ZNF880: variants seen among roughly 807,000 people sequenced by gnomAD.
ZNF880 encodes zinc finger protein LOC400713.
Under a neutral mutation model 11.8 loss-of-function variants are expected in ZNF880, and 12 were observed. That is an observed-to-expected ratio of 1.02 (90% CI 0.65 to 1.65). The LOEUF (loss-of-function observed/expected upper bound fraction) is 1.65. Ranked by LOEUF, ZNF880 falls within the 40% of genes most tolerant of loss-of-function variation. ZNF880 has a pLI of 0.00. For synonymous variants in ZNF880, 210 were observed against 232.4 expected (o/e 0.90, Z 0.88); for missense variants, 601 against 673.9 (o/e 0.89, Z 1.20).
chr19:52,367,047 C>T (rs1986135262), upstream of ZNF880: 1 of 377,546 alleles, frequency 2.6e-6, no homozygotes, highest in South Asian at 9.8e-5. Flanking sequence ...ACTGCTGGCA[C>T]CGTAATTTGT....
rs758995138 is a variant in ZNF880 at position 52,384,846 on chromosome 19, C to A, written c.1266C>A (p.Gly422=). 2.2e-6 allele frequency: 3 copies of A among 1,387,018 alleles called. No homozygotes were observed. The highest frequency in any genetic ancestry group is 1.9e-6 in the Non-Finnish European group (2 of 1,043,580). The allele number at this position is 1,387,018 out of a possible 1,614,324, so 85.9% of individuals were successfully genotyped here. The change falls in exon 4 of 4, where the codon GGC becomes GGA. Residue 422 remains glycine (G), a synonymous_variant. Transcript: ENST00000422689. ...ECGKAFRDCS[G]LTAHLLIHTG... ...GCAAAGCATTTAGAGACTGTTCAGG[C>A]CTTACTGCCCATCTACTAATTCACA...
intron 1 of ZNF880, among the ~76,000 whole-genome samples, chr19:52,371,347 A>C (rs966735662): frequency 3.3e-5 from 5 of 151,004 alleles, no homozygotes; most frequent in African/African-American, 4.9e-5. Context: ...TTATTGTTTG[A>C]TGTTTTTTTT....
chr19:52,373,002 A>T, intron 1 of ZNF880, 109 bp from the exon 2 acceptor site: 1 of 1,108,180 alleles, frequency 9.0e-7, no homozygotes, highest in South Asian at 1.3e-5. Context: ...AGCTAAAAAA[A>T]TACCTTAACG....
Position 52,373,202 on chromosome 19 carries a change from TG to T in ZNF880, c.105del (p.Met36TrpfsTer18). 2 of 1,613,208 alleles carry T rather than the reference TG, an allele frequency of 1.2e-6. No individual in the cohort carries two copies. Among genetic ancestry groups the T allele is most frequent in the Non-Finnish European group, 1.7e-6 (2 of 1,179,522 alleles). Reference protein sequence around the residue: ...DPAQRTLYREVMVENYRNLVF... With the variant: ...DPAQRTLYREXMVENYRNLVF... ...GCTCAGAGGACTTTATACAGGGAAG[TG>T]ATGGTGGAGAACTACAGGAACCTGG... On this transcript the variant is annotated frameshift_variant, in exon 2 of 4. Transcript: ENST00000422689. LOFTEE classifies it high-confidence loss of function.
intron 3 of ZNF880, among the ~76,000 whole-genome samples, chr19:52,378,398 A>T (rs1986614133): frequency 6.6e-6 from 1 of 152,018 alleles, no homozygotes; most frequent in Non-Finnish European, 1.5e-5. Flanking sequence ...TAATCCCAGC[A>T]CTTTGGGAGG....
chr19:52,391,112 G>C, the ZNF880 span: 1 of 152,380 alleles, frequency 6.6e-6, no homozygotes, highest in African/African-American at 2.4e-5. Flanking sequence ...GCAGAAAAGG[G>C]GAGGCTCCTC....
chr19:52,369,952 G>T lies in ZNF880; in HGVS notation c.-14G>T. On this transcript the variant is annotated 5_prime_UTR_variant, in exon 1 of 4. Transcript: ENST00000422689. ...TCCTGGAGACCCGGAAGCAGATTACGTGGAGTGACGGTCATGCTGCGGCGT... is the reference window on the plus strand; with the variant it reads ...TCCTGGAGACCCGGAAGCAGATTACTTGGAGTGACGGTCATGCTGCGGCGT... 6.4e-7 allele frequency: 1 copy of T among 1,551,672 alleles called. No individual in the cohort carries two copies. The highest frequency in any genetic ancestry group is 1.2e-5 in the South Asian group (1 of 84,064).
chr19:52,394,987 C>G, the ZNF880 span: 1 of 152,366 alleles, frequency 6.6e-6, no homozygotes, highest in African/African-American at 2.4e-5. Context: ...TTCAGGATGT[C>G]TATCTAAAGA....
At chr19:52,386,241 AT>A (rs1986885279), downstream of ZNF880, among the ~76,000 whole-genome samples, 1 of 142,618 alleles carries the variant, frequency 7.0e-6, no homozygotes, top group Non-Finnish European at 1.5e-5. Context: ...GCTGAGAATC[AT>A]TTCTATCAGT....
At chr19:52,387,227 CAT>C (rs1181029960), downstream of ZNF880, among the ~76,000 whole-genome samples, 1 of 143,954 alleles carries the variant, frequency 6.9e-6, no homozygotes, top group Non-Finnish European at 1.5e-5. Context: ...GTGAAATCAA[CAT>C]ATGCACACAC....
downstream of ZNF880, among the ~76,000 whole-genome samples, chr19:52,388,343 C>T (rs577369820): frequency 3.0e-4 from 36 of 121,906 alleles, no homozygotes; most frequent in Non-Finnish European, 4.7e-4. Context: ...AGTGCAGTGG[C>T]GCGATCTTGG....
chr19:52,385,003 C>T lies in ZNF880; in HGVS notation c.1423C>T (p.Arg475Ter), dbSNP rs375150120. 2.8e-5 allele frequency: 43 copies of T among 1,561,664 alleles called. No homozygotes were observed. Among genetic ancestry groups the T allele is most frequent in the South Asian group, 3.5e-5 (3 of 85,096 alleles). ...TGATGAATGTGGCAAGGACTTCACT[C>T]GAAATTCAAACCTTGCAAATCATCA... The part of the protein sequence containing the change: ...RCDECGKDFT[R>*]NSNLANHHRI... The change falls in exon 4 of 4, where the codon CGA becomes TGA. Residue 475 changes from arginine to a stop codon, truncating the protein, a stop_gained. Coordinates refer to ENST00000422689, the MANE Select transcript of ZNF880 (RefSeq NM_001145434.2). LOFTEE classifies it low-confidence loss of function (END_TRUNC).
chr19:52,372,909 CAAAAAAAAAAAA>C (rs201869014), intron 1 of ZNF880, among the ~76,000 whole-genome samples, 190 bp from the exon 2 acceptor site: 1 of 69,966 alleles, frequency 1.4e-5, no homozygotes, highest in African/African-American at 7.3e-5. Context: ...GACTCCGTCT[CAAAAAAAAAAAA>C]AAAAAAAAAA....
At chr19:52,392,908 A>C in the ZNF880 span, among the ~76,000 whole-genome samples, 1 of 151,794 alleles carries the variant, frequency 6.6e-6, no homozygotes, top group East Asian at 1.9e-4. Context: ...TGCAGCCTGG[A>C]ACTCCTGGGC....
downstream of ZNF880, chr19:52,389,721 G>C (rs898185292): frequency 6.6e-6 from 1 of 152,246 alleles, no homozygotes; most frequent in African/African-American, 2.4e-5. Context: ...AGTCTGTGTG[G>C]GGGCTCCAAC....
At chr19:52,375,529 G>C (rs1053485444) in intron 3 of ZNF880, among the ~76,000 whole-genome samples, 2 of 152,044 alleles carry the variant, frequency 1.3e-5, no homozygotes, top group South Asian at 2.1e-4. Context: ...TAGGGTTTTG[G>C]GGAACAAGTG....
upstream of ZNF880, among the ~76,000 whole-genome samples, chr19:52,368,514 T>G (rs1165497224): frequency 1.3e-5 from 2 of 150,734 alleles, no homozygotes; most frequent in Non-Finnish European, 3.0e-5. Context: ...TGAGGCTCTG[T>G]GGGGGAAAGC....
chr19:52,374,317 TG>T lies in ZNF880; in HGVS notation c.159del (p.Ser54ValfsTer19). ...LVFLGICLPD[L>X]SVISMLEQRR... ...TAAATAGGAATCTGTCTTCCTGACCTGAGTGTTATCTCCATGTTGGAGCAAA... is the reference window on the plus strand; with the variant it reads ...TAAATAGGAATCTGTCTTCCTGACCTAGTGTTATCTCCATGTTGGAGCAAA... On this transcript the variant is annotated frameshift_variant, in exon 3 of 4. Coordinates refer to ENST00000422689, the MANE Select transcript of ZNF880 (RefSeq NM_001145434.2). LOFTEE classifies it high-confidence loss of function. 8 of 1,613,562 alleles carry T rather than the reference TG, an allele frequency of 5.0e-6. No individual in the cohort carries two copies. The highest frequency in any genetic ancestry group is 6.8e-6 in the Non-Finnish European group (8 of 1,179,812).
upstream of ZNF880, among the ~76,000 whole-genome samples, chr19:52,368,044 CAAA>C (rs11297392): frequency 7.2e-6 from 1 of 139,316 alleles, no homozygotes; most frequent in Non-Finnish European, 1.6e-5. Flanking sequence ...ACTAAAAATA[CAAA>C]AAAAAAAAAT....
Sources: allele counts gnomAD v4.1 joint callset (sites outside exome capture counted in the v4.1 genomes callset), GRCh38; gene constraint gnomAD v4.1.1; transcripts MANE v1.5; gene names NCBI Gene and HGNC (gene_info 2026-07-23, HGNC 2026-07-21).